Variants in INKA2 observed in about 807,000 individuals in gnomAD.
INKA2 encodes PAK4-inhibitor INKA2.
Under a neutral mutation model 9.8 loss-of-function variants are expected in INKA2, and 3 were observed. The observed-to-expected ratio is 0.31, with a 90% CI of 0.14 to 0.79. INKA2 has a LOEUF of 0.79. INKA2 is among the 30% of genes least tolerant of loss of function. The pLI, the probability that INKA2 is intolerant of heterozygous loss-of-function variation, is 0.62. For missense variants in INKA2, 392 were observed against 384.4 expected, an observed-to-expected ratio of 1.02 and a Z score of -0.17; for synonymous variants, 147 against 143.3, an observed-to-expected ratio of 1.03 and a Z score of -0.18.
At chr1:111,751,631 C>G (rs1414534667) in intron 1 of INKA2, among the ~76,000 whole-genome samples, 1 of 152,206 alleles carries the variant, frequency 6.6e-6, no homozygotes, top group East Asian at 1.9e-4. Context: ...AGGATAAAGT[C>G]CAGACACCAA....
chr1:111,745,171 TG>T (rs1348727503), intron 1 of INKA2: 1 of 148,568 alleles, frequency 6.7e-6, no homozygotes, highest in Non-Finnish European at 1.5e-5. Context: ...AAGATCTCAT[TG>T]CTACTTGGGA....
intron 1 of INKA2, chr1:111,747,448 T>C (rs1663298623): frequency 6.6e-6 from 1 of 152,270 alleles, no homozygotes; most frequent in Middle Eastern, 3.2e-3. Flanking sequence ...CAGTTGTTTG[T>C]CCTCTTCATG....
In INKA2 at chr1:111,727,020, G is replaced by T; in HGVS notation, c.842C>A (p.Ala281Asp). 1 of 1,614,012 alleles carries T rather than the reference G, an allele frequency of 6.2e-7. No homozygotes were observed. Among genetic ancestry groups the T allele is most frequent in the Non-Finnish European group, 8.5e-7 (1 of 1,180,020 alleles). ...GENPPTSCPK[A>D]LEHSPSGFDI... ...AAATCCTGAGGGTGAGTGCTCCAGG[G>T]CCTTGGGGCAGCTTGTGGGGGGATT... The change falls in exon 2 of 2, where the codon GCC becomes GAC. Residue 281 changes from alanine (A) to aspartate (D), a missense_variant. Transcript: ENST00000357260.
intron 1 of INKA2, chr1:111,745,293 A>ATATATATATATATATATATAT (rs1358304932): frequency 2.0e-5 from 1 of 49,268 alleles, no homozygotes; most frequent in African/African-American, 7.1e-5. Flanking sequence ...ATATATATAT[A>ATATATATATATATATATATAT]TTTTTTTTTT....
Position 111,745,306 on chromosome 1 carries a change from T to A in INKA2, n.124+10395A>T, listed in dbSNP as rs1474514839. 4.2e-3 allele frequency: 531 copies of A among 125,634 alleles called. 10 individuals carry two copies. The highest frequency in any genetic ancestry group is 0.016 in the African/African-American group (514 of 32,744). 7.8% of individuals were successfully genotyped at this position (125,634 alleles called of 1,614,324 possible). A position where few individuals can be genotyped will look rare whatever the true frequency, so the allele number is the denominator to read the frequency against. On this transcript the variant is annotated intron_variant and non_coding_transcript_variant, in intron 1 of 1. Transcript: ENST00000444059. Reference sequence around the variant, plus strand: ...ATATATATATATATTTTTTTTTTTTTTTTTTTTTGAGACAGGGTCTCACTC... The same window carrying A: ...ATATATATATATATTTTTTTTTTTTATTTTTTTTGAGACAGGGTCTCACTC...
chr1:111,739,421 G>C (rs1043583235), upstream of INKA2: 164 of 1,462,974 alleles, frequency 1.1e-4, 4 homozygotes, highest in South Asian at 2.2e-3. Flanking sequence ...AGCCGCGCGC[G>C]GTCGGTGCTG....
At position 111,723,171 on chromosome 1, in the gene INKA2, G is replaced by A. The variant is rs1007039134; in HGVS notation, c.*3797C>T. ...GCTCTGGAGAAGGTGGGGACAAGGT[G>A]TGCTCTTGCTCTTGTCCAGACCACG... On this transcript the variant is annotated 3_prime_UTR_variant, in exon 2 of 2. Transcript: ENST00000357260. The A allele has an allele frequency of 1.5e-6, 1 of 677,884 alleles. No individual in the cohort carries two copies. The highest frequency in any genetic ancestry group is 1.8e-5 in the African/African-American group (1 of 56,074). The allele number at this position is 677,884 out of a possible 1,614,324, so 42.0% of individuals were successfully genotyped here. A position where few individuals can be genotyped will look rare whatever the true frequency, so the allele number is the denominator to read the frequency against.
chr1:111,735,383 A>C (rs1264439858), intron 1 of INKA2, among the ~76,000 whole-genome samples: 1 of 152,256 alleles, frequency 6.6e-6, no homozygotes, highest in Non-Finnish European at 1.5e-5. Flanking sequence ...GTGAAAGACA[A>C]ATAGTTGGCG....
At chr1:111,741,394 T>A (rs1245530985), upstream of INKA2, among the ~76,000 whole-genome samples, 1 of 152,228 alleles carries the variant, frequency 6.6e-6, no homozygotes, top group Non-Finnish European at 1.5e-5. Context: ...CCCTCCTGCC[T>A]TTTCTGCAGC....
Position 111,726,818 on chromosome 1 carries a change from G to T in INKA2, c.*150C>A. 2.4e-6 allele frequency: 2 copies of T among 822,688 alleles called. No individual in the cohort carries two copies. The highest frequency in any genetic ancestry group is 3.9e-6 in the Non-Finnish European group (2 of 511,378). The allele number at this position is 822,688 out of a possible 1,614,324, so 51.0% of individuals were successfully genotyped here. ...CCAACCACCTTCCCTTCAGTCCTGA[G>T]CCAAGAACTCTGGCTTCTCCCCGCT... On this transcript the variant is annotated 3_prime_UTR_variant, in exon 2 of 2. Transcript: ENST00000357260.
chr1:111,745,293 A>ATATATATATATTTTTTTTTTTT (rs1358304932), intron 1 of INKA2: 1 of 49,272 alleles, frequency 2.0e-5, no homozygotes, highest in Non-Finnish European at 3.7e-5. Flanking sequence ...ATATATATAT[A>ATATATATATATTTTTTTTTTTT]TTTTTTTTTT....
At position 111,726,622 on chromosome 1, in the gene INKA2, G is replaced by T; in HGVS notation, c.*346C>A. 3.5e-6 allele frequency: 1 copy of T among 282,670 alleles called. No homozygotes were observed. Among genetic ancestry groups the T allele is most frequent in the African/African-American group, 2.2e-5 (1 of 45,160 alleles). The allele number at this position is 282,670 out of a possible 1,614,324, so 17.5% of individuals were successfully genotyped here. On this transcript the variant is annotated 3_prime_UTR_variant, in exon 2 of 2. Transcript: ENST00000357260. The stretch of plus-strand genomic sequence containing the variant: ...GTCTTTGGGGGCAGTGGAGATGTCA[G>T]AGGGATTTTCTGATCTCCTCCTCTG...
intron 1 of INKA2, among the ~76,000 whole-genome samples, chr1:111,735,140 A>T (rs968926126): frequency 6.6e-6 from 1 of 152,254 alleles, no homozygotes; most frequent in South Asian, 2.1e-4. Flanking sequence ...CAATGTTAAC[A>T]TCAATTAATA....
chr1:111,750,276 C>G (rs542288959), intron 1 of INKA2, among the ~76,000 whole-genome samples: 75 of 152,316 alleles, frequency 4.9e-4, no homozygotes, highest in African/African-American at 1.6e-3. Flanking sequence ...CAGGCTTTTG[C>G]TAGTTCTCCC....
At chr1:111,733,377 C>A (rs985668948) in intron 1 of INKA2, among the ~76,000 whole-genome samples, 1 of 152,104 alleles carries the variant, frequency 6.6e-6, no homozygotes. Flanking sequence ...GGCCTGGGAC[C>A]CCAAGGCTGG....
At chr1:111,728,919 T>TTTTTTC (rs57795056) in intron 1 of INKA2, among the ~76,000 whole-genome samples, 2 of 150,356 alleles carry the variant, frequency 1.3e-5, no homozygotes, top group Non-Finnish European at 3.0e-5. Context: ...TTTTTTTTTT[T>TTTTTTC]CAAACAGGGT....
chr1:111,741,947 C>G (rs1388046410), upstream of INKA2, among the ~76,000 whole-genome samples: 1 of 152,110 alleles, frequency 6.6e-6, no homozygotes, highest in Non-Finnish European at 1.5e-5. Flanking sequence ...AACTCCTGAA[C>G]TCAGGTGATC....
Position 111,722,583 on chromosome 1 carries a change from C to T in INKA2, c.*4385G>A, listed in dbSNP as rs1318276177. The T allele has an allele frequency of 6.5e-6, 1 of 154,114 alleles. No individual in the cohort carries two copies. The highest frequency in any genetic ancestry group is 1.4e-5 in the Non-Finnish European group (1 of 69,136). The allele number at this position is 154,114 out of a possible 1,614,324, so 9.5% of individuals were successfully genotyped here. On this transcript the variant is annotated 3_prime_UTR_variant, in exon 2 of 2. Transcript: ENST00000357260. ...AGTGGGGTCCTCAAGCACCTTTTCT[C>T]CAAGCTCAGCCTTTCTCCACCTCCA...
At chr1:111,740,965 T>C (rs1310908092), upstream of INKA2, among the ~76,000 whole-genome samples, 1 of 45,708 alleles carries the variant, frequency 2.2e-5, no homozygotes, top group African/African-American at 8.3e-5. Flanking sequence ...AGAGAGAAAC[T>C]CCGTTTAAAA....
Sources: allele counts gnomAD v4.1 joint callset (sites outside exome capture counted in the v4.1 genomes callset), GRCh38; gene constraint gnomAD v4.1.1; transcripts MANE v1.5; gene names NCBI Gene and HGNC (gene_info 2026-07-23, HGNC 2026-07-21).